Variants in RTN2 observed in about 807,000 individuals in gnomAD.
The protein encoded by RTN2 is reticulon-2.
In RTN2, 36 loss-of-function variants were observed where a neutral mutation model predicts 63.7. That is an observed-to-expected ratio of 0.56 (90% CI 0.43 to 0.75). The LOEUF (loss-of-function observed/expected upper bound fraction) is 0.75, where lower values mean the gene tolerates loss of function less well. RTN2 is among the 30% of genes least tolerant of loss of function. The probability of loss-of-function intolerance (pLI) is 0.00; values close to 1 mark genes in which losing one functional copy is unlikely to be tolerated. For missense variants in RTN2, 673 were observed against 705.1 expected (o/e 0.95, Z 0.52); for synonymous variants, 312 against 313.0 (o/e 1.00, Z 0.03).
chr19:45,487,527 G>A (rs1161339436), intron 9 of RTN2, among the ~76,000 whole-genome samples: 3 of 151,530 alleles, frequency 2.0e-5, no homozygotes, highest in African/African-American at 7.3e-5. Flanking sequence ...CAGTCTTGTG[G>A]GCAACAGCCA....
At position 45,495,133 on chromosome 19, in the gene RTN2, GCTT is replaced by G; in HGVS notation, c.38_40del (p.Glu13del). On this transcript the variant is annotated inframe_deletion, in exon 2 of 11. Transcript: ENST00000245923. ...AGGAGTTGAGGAGGCTGTAGACGGA[GCTT>G]CTTCTGCGAGAGGGAAAGAATCGAA... 1.2e-6 allele frequency: 2 copies of G among 1,614,124 alleles called. No homozygotes were observed. The highest frequency in any genetic ancestry group is 1.7e-6 in the Non-Finnish European group (2 of 1,180,012).
Position 45,489,559 on chromosome 19 carries a change from G to A in RTN2, c.1034-6C>T. 2 of 1,585,652 alleles carry A rather than the reference G, an allele frequency of 1.3e-6. No homozygotes were observed. Among genetic ancestry groups the A allele is most frequent in the South Asian group, 2.3e-5 (2 of 86,846 alleles). Reference sequence around the variant, plus strand: ...CCAGTACAGCAGGTCCGCCACTGTGGAGGGGTGGGGGGCATCAGGGCTTGT... The same window carrying A: ...CCAGTACAGCAGGTCCGCCACTGTGAAGGGGTGGGGGGCATCAGGGCTTGT... On this transcript the variant is annotated splice_region_variant and splice_polypyrimidine_tract_variant and intron_variant, in intron 5 of 10. Coordinates refer to ENST00000245923, the MANE Select transcript of RTN2 (RefSeq NM_005619.5).
At chr19:45,485,958 A>AT in intron 10 of RTN2, 97 bp downstream of exon 10, 1 of 1,337,370 alleles carries the variant, frequency 7.5e-7, no homozygotes, top group Non-Finnish European at 1.1e-6. Context: ...TCAAGGGGAC[A>AT]TTACCCCAGG....
intron 1 of RTN2, among the ~76,000 whole-genome samples, chr19:45,496,113 C>T (rs925607020): frequency 7.2e-5 from 11 of 152,034 alleles, no homozygotes; most frequent in African/African-American, 2.4e-4. Flanking sequence ...GGGAATCCAG[C>T]CCCTTAGAGC....
At position 45,493,902 on chromosome 19, in the gene RTN2, C is replaced by G. The variant is rs538126318; in HGVS notation, c.814+264G>C. The G allele has an allele frequency of 5.2e-4, 238 of 456,796 alleles. 3 individuals carry two copies. The highest frequency in any genetic ancestry group is 5.1e-3 in the South Asian group (232 of 45,134). The allele number at this position is 456,796 out of a possible 1,614,324, so 28.3% of individuals were successfully genotyped here. A position where few individuals can be genotyped will look rare whatever the true frequency, so the allele number is the denominator to read the frequency against. On this transcript the variant is annotated intron_variant, in intron 4 of 10. Transcript: ENST00000245923. ...ACGGGGTTTCACCATGTTGGCCAGG[C>G]TGATCTCGAACTCCTCACCTCAAGT...
Position 45,485,679 on chromosome 19 carries a change from C to T in RTN2, c.*29G>A, listed in dbSNP as rs1447967034. 6 of 1,590,140 alleles carry T rather than the reference C, an allele frequency of 3.8e-6. No individual in the cohort carries two copies. The highest frequency in any genetic ancestry group is 5.2e-6 in the Non-Finnish European group (6 of 1,160,136). On this transcript the variant is annotated 3_prime_UTR_variant, in exon 11 of 11. Transcript: ENST00000245923. ...GCCAGAGGGCTGCGGGGGCTGGGGG[C>T]AGGCGTCCTGCGGGCAGAGACACCG... is the stretch of plus-strand genomic sequence containing the variant.
At chr19:45,493,723 C>T (rs1038960287) in intron 4 of RTN2, among the ~76,000 whole-genome samples, 3 of 152,188 alleles carry the variant, frequency 2.0e-5, no homozygotes, top group African/African-American at 7.2e-5. Flanking sequence ...AGGAGCACTC[C>T]AGAAGAGGGA....
Position 45,494,064 on chromosome 19 carries a change from C to G in RTN2, c.814+102G>C. 1 of 1,475,930 alleles carries G rather than the reference C, an allele frequency of 6.8e-7. No individual in the cohort carries two copies. Among genetic ancestry groups the G allele is most frequent in the Admixed American group, 2.0e-5 (1 of 49,098 alleles). The allele number at this position is 1,475,930 out of a possible 1,614,324, so 91.4% of individuals were successfully genotyped here. Reference sequence around the variant, plus strand: ...TATCACGTCTATCTCTTCCCTTTTCCACTATGTACTGTTCCTTTGCGAGGT... The same window carrying G: ...TATCACGTCTATCTCTTCCCTTTTCGACTATGTACTGTTCCTTTGCGAGGT... On this transcript the variant is annotated intron_variant, in intron 4 of 10. Transcript: ENST00000245923. The surrounding 1 kb of genome is among the most constrained non-coding windows in gnomAD (Gnocchi z 5.3).
rs1262042812 is a variant in RTN2 at position 45,496,832 on chromosome 19, C to T, written c.-7G>A. 3 of 1,497,508 alleles carry T rather than the reference C, an allele frequency of 2.0e-6. No individual in the cohort carries two copies. The highest frequency in any genetic ancestry group is 2.9e-5 in the African/African-American group (2 of 70,034). 92.8% of individuals were successfully genotyped at this position (1,497,508 alleles called of 1,614,324 possible). A position where few individuals can be genotyped will look rare whatever the true frequency, so the allele number is the denominator to read the frequency against. On this transcript the variant is annotated 5_prime_UTR_variant, in exon 1 of 11. Coordinates refer to ENST00000245923, the MANE Select transcript of RTN2 (RefSeq NM_005619.5). The stretch of plus-strand genomic sequence containing the variant: ...CCGGCAGGACCTGCCCCATGGCCCC[C>T]CTCGGGCCTGCATCGGGACCCCCGC...
In RTN2 at chr19:45,496,866, GC is replaced by G; in HGVS notation, c.-42del. 7.2e-7 allele frequency: 1 copy of G among 1,386,922 alleles called. No individual in the cohort carries two copies. The allele number at this position is 1,386,922 out of a possible 1,614,324, so 85.9% of individuals were successfully genotyped here. ...TGCATCGGGACCCCCGCCCACTCCG[GC>G]TGTGCCGCCCTGGGCCCGGGGTCGC... On this transcript the variant is annotated 5_prime_UTR_variant, in exon 1 of 11. Coordinates refer to ENST00000245923, the MANE Select transcript of RTN2 (RefSeq NM_005619.5).
rs192374020 is a variant in RTN2 at position 45,486,857 on chromosome 19, C to T, written c.1498-744G>A. The stretch of plus-strand genomic sequence containing the variant: ...TCAAGCGATTCTCCTGCCTCAGCCT[C>T]CCGAGTAGCTGGGATTACAGGTGGA... On this transcript the variant is annotated intron_variant, in intron 9 of 10. Transcript: ENST00000245923. Among the ~76,000 whole-genome samples, 650 of 150,642 alleles carry T rather than the reference C, an allele frequency of 4.3e-3. 4 individuals carry two copies. The highest frequency in any genetic ancestry group is 0.015 in the African/African-American group (608 of 41,016).
intron 8 of RTN2, 50 bp downstream of exon 8, chr19:45,488,587 C>T (rs763738193): frequency 1.2e-6 from 2 of 1,612,550 alleles, no homozygotes; most frequent in East Asian, 2.2e-5. Context: ...AGCCCTGTCC[C>T]CCACCAGACT....
In RTN2 at chr19:45,494,515, G is replaced by A. The variant is rs760772669; in HGVS notation, c.559+11C>T. 6 of 1,611,552 alleles carry A rather than the reference G, an allele frequency of 3.7e-6. No homozygotes were observed. The highest frequency in any genetic ancestry group is 1.1e-5 in the South Asian group (1 of 90,930). ...CTCTTGGCTTTGGTCCCAGCACCTC[G>A]GACATCTCACCTTCCCCAGCTTCTC... is the stretch of plus-strand genomic sequence containing the variant. On this transcript the variant is annotated intron_variant, in intron 3 of 10. Coordinates refer to ENST00000245923, the MANE Select transcript of RTN2 (RefSeq NM_005619.5). This position sits in a 1 kb window ranked among gnomAD's most constrained non-coding sequence, Gnocchi z 5.3.
At position 45,494,850 on chromosome 19, in the gene RTN2, T is replaced by G. The variant is rs770208488; in HGVS notation, c.235A>C (p.Arg79=). 6 of 1,604,742 alleles carry G rather than the reference T, an allele frequency of 3.7e-6. No individual in the cohort carries two copies. The highest frequency in any genetic ancestry group is 1.7e-4 in the Middle Eastern group (1 of 6,060). Residue 79 remains arginine, a synonymous_variant, in exon 3 of 11, where the codon AGG becomes CGG. Transcript: ENST00000245923. The surrounding 1 kb of genome is among the most constrained non-coding windows in gnomAD (Gnocchi z 5.3). Reference sequence around the variant, plus strand: ...CGGGGGCGGCGGGCAGTTGAATCCCTGCGGCCCCCGGAGCCCACTACACCA... The same window carrying G: ...CGGGGGCGGCGGGCAGTTGAATCCCGGCGGCCCCCGGAGCCCACTACACCA... The part of the protein sequence containing the change: ...FDGVVGSGGR[R]DSTARRPRPQ...
chr19:45,486,109 TGAGCCTGGGGAGACCAAAGAAA>T lies in RTN2; in HGVS notation c.1498-18_1501del. 6.2e-7 allele frequency: 1 copy of T among 1,614,002 alleles called. No individual in the cohort carries two copies. Among genetic ancestry groups the T allele is most frequent in the African/African-American group, 1.3e-5 (1 of 75,046 alleles). Reference sequence around the variant, plus strand: ...CACCAACCCCACATATTGGTCGATCTGAGCCTGGGGAGACCAAAGAAAGGTGAAAGAAGGGATTGGAGGGGTT... The same window carrying T: ...CACCAACCCCACATATTGGTCGATCTGGTGAAAGAAGGGATTGGAGGGGTT... On this transcript the variant is annotated splice_acceptor_variant and splice_polypyrimidine_tract_variant and coding_sequence_variant and intron_variant, in exon 10 of 11. Transcript: ENST00000245923. LOFTEE classifies it high-confidence loss of function.
chr19:45,490,527 T>TTGTG lies in RTN2; in HGVS notation c.1034-978_1034-975dup, dbSNP rs1374705450. On this transcript the variant is annotated intron_variant, in intron 5 of 10. Transcript: ENST00000245923. Reference sequence around the variant, plus strand: ...AGGGTGGAATTGCTGGGTGGACTGGTTGTGTGTCTGTGTGTGTGTGTGTGT... The same window carrying TTGTG: ...AGGGTGGAATTGCTGGGTGGACTGGTTGTGTGTGTGTCTGTGTGTGTGTGTGTGT... Among the ~76,000 whole-genome samples, 63 of 114,612 alleles carry TTGTG rather than the reference T, an allele frequency of 5.5e-4. No individual in the cohort carries two copies. In the East Asian group the frequency reaches 0.012, roughly 21 times the overall value. The allele number at this position is 114,612 out of a possible 152,430, so 75.2% of individuals were successfully genotyped here.
intron 10 of RTN2, 52 bp from the exon 11 acceptor site, chr19:45,485,841 G>T (rs1158989869): frequency 2.7e-6 from 4 of 1,456,280 alleles, no homozygotes; most frequent in East Asian, 2.3e-5. Flanking sequence ...CGCGGGGTGG[G>T]CATCTGGGGA....
In RTN2 at chr19:45,496,962, AGCC is replaced by A. The variant is rs3038807; in HGVS notation, c.-140_-138del. 67,318 of 335,072 alleles carry A rather than the reference AGCC, an allele frequency of 0.2. 8,121 individuals are homozygous for A. Among genetic ancestry groups the A allele is most frequent in the East Asian group, 0.24 (4,343 of 17,758 alleles). 20.8% of individuals were successfully genotyped at this position (335,072 alleles called of 1,614,324 possible). On this transcript the variant is annotated 5_prime_UTR_variant, in exon 1 of 11. Transcript: ENST00000245923. ...CCGCCTCCTCCTCCCGGGCTGCTCCAGCCGCCGCCGCCGCCGCCGCCGCCGCCG... is the reference window on the plus strand; with the variant it reads ...CCGCCTCCTCCTCCCGGGCTGCTCCAGCCGCCGCCGCCGCCGCCGCCGCCG...
intron 4 of RTN2, among the ~76,000 whole-genome samples, chr19:45,493,711 G>A (rs903704581): frequency 6.6e-6 from 1 of 152,208 alleles, no homozygotes; most frequent in Non-Finnish European, 1.5e-5. Context: ...TCAGCCACTA[G>A]GAGGAGCACT....
Sources: gnomAD v4.1 joint callset for allele counts (sites outside exome capture counted in the v4.1 genomes callset) on GRCh38, gnomAD v4.1.1 for gene constraint, Gnocchi (gnomAD v3.1) non-coding constraint, MANE v1.5 for transcripts, NCBI Gene and HGNC (gene_info 2026-07-23, HGNC 2026-07-21) for gene names.